Variants in CKAP5 observed in about 807,000 individuals in gnomAD.
CKAP5 encodes cytoskeleton-associated protein 5.
Under a neutral mutation model 232.8 loss-of-function variants are expected in CKAP5, and 27 were observed. The observed-to-expected ratio is 0.12, with a 90% confidence interval of 0.09 to 0.16. The LOEUF (loss-of-function observed/expected upper bound fraction) is 0.16. CKAP5 is among the 10% of genes least tolerant of loss of function. The probability of loss-of-function intolerance (pLI) is 1.00; values close to 1 mark genes in which losing one functional copy is unlikely to be tolerated. For missense variants in CKAP5, 1,838 were observed against 2,424.7 expected, an observed-to-expected ratio of 0.76 and a Z score of 5.08; for synonymous variants, 785 against 841.1, an observed-to-expected ratio of 0.93 and a Z score of 1.16.
intron 1 of CKAP5, among the ~76,000 whole-genome samples, chr11:46,829,835 TG>T (rs778442274): frequency 0.014 from 1,182 of 83,214 alleles, 5 homozygotes; most frequent in Non-Finnish European, 0.024. Context: ...ATTCCTTTTT[TG>T]TATGTGTGTG....
chr11:46,786,221 T>C (rs933838589), intron 16 of CKAP5, among the ~76,000 whole-genome samples: 1 of 152,214 alleles, frequency 6.6e-6, no homozygotes, highest in Admixed American at 6.5e-5. Context: ...TGCTGAATTT[T>C]AGTAAGGACA....
intron 36 of CKAP5, among the ~76,000 whole-genome samples, chr11:46,753,761 A>AT (rs537879375): frequency 0.019 from 2,651 of 139,042 alleles, 26 homozygotes; most frequent in Middle Eastern, 0.031. Context: ...TAATTTTTGT[A>AT]TTTTTTTTTT....
chr11:46,766,842 G>C (rs1249175753), intron 27 of CKAP5, among the ~76,000 whole-genome samples: 1 of 152,150 alleles, frequency 6.6e-6, no homozygotes, highest in Non-Finnish European at 1.5e-5. Context: ...CATGAATATT[G>C]AAAGAATTGC....
intron 5 of CKAP5, among the ~76,000 whole-genome samples, chr11:46,810,244 T>A (rs904324247): frequency 6.6e-6 from 1 of 152,170 alleles, no homozygotes; most frequent in Admixed American, 6.5e-5. Flanking sequence ...AATGCTGGGA[T>A]GACAGGTATA....
intron 28 of CKAP5, 68 bp downstream of exon 28, chr11:46,765,063 G>C: frequency 1.4e-6 from 2 of 1,444,092 alleles, no homozygotes; most frequent in Non-Finnish European, 1.9e-6. Flanking sequence ...CATGAATTCA[G>C]ACAGCAAAAC....
At chr11:46,767,776 T>G in intron 26 of CKAP5, 113 bp from the exon 27 acceptor site, 1 of 620,624 alleles carries the variant, frequency 1.6e-6, no homozygotes, top group Non-Finnish European at 2.6e-6. Flanking sequence ...ATGTATCAAT[T>G]TATAAGATGT....
At chr11:46,768,591 ATT>A (rs917613134) in intron 26 of CKAP5, among the ~76,000 whole-genome samples, 3 of 148,032 alleles carry the variant, frequency 2.0e-5, no homozygotes, top group African/African-American at 7.4e-5. Flanking sequence ...CACAGGTAAA[ATT>A]TTTTTTTTTT....
In CKAP5 at chr11:46,751,461, A is replaced by G. The variant is rs768671080; in HGVS notation, c.5207T>C (p.Ile1736Thr). 1.9e-6 allele frequency: 3 copies of G among 1,614,104 alleles called. No homozygotes were observed. The highest frequency in any genetic ancestry group is 2.5e-6 in the Non-Finnish European group (3 of 1,179,986). The stretch of plus-strand genomic sequence containing the variant: ...GGGGAAGACCTTCATGAAAATGTGG[A>G]TATCCAGAAGAATTCTGTCTAGGTT... ...SINLDRILLD[I>T]HIFMKVFPKE... The change falls in exon 39 of 44, where the codon ATC (isoleucine) becomes ACC (threonine). Residue 1736 changes from isoleucine (I) to threonine (T), a missense_variant. This residue lies in a region of CKAP5 where 579 missense variants were observed against 843.2 expected (regional missense o/e 0.69). Transcript: ENST00000529230.
At chr11:46,808,406 T>G (rs1939204258) in intron 7 of CKAP5, among the ~76,000 whole-genome samples, 1 of 152,066 alleles carries the variant, frequency 6.6e-6, no homozygotes, top group Non-Finnish European at 1.5e-5. Context: ...CCGGGCGTGG[T>G]GGCAGGCACC....
chr11:46,787,284 T>A (rs2065404310), intron 16 of CKAP5, among the ~76,000 whole-genome samples: 1 of 152,204 alleles, frequency 6.6e-6, no homozygotes, highest in South Asian at 2.1e-4. Flanking sequence ...ACACAGTGTA[T>A]GAGGGAGCTA....
chr11:46,839,126 C>T (rs1011978267), intron 1 of CKAP5, among the ~76,000 whole-genome samples: 3 of 152,008 alleles, frequency 2.0e-5, no homozygotes, highest in African/African-American at 7.2e-5. Context: ...ACAATATATG[C>T]TATGAAGTAA....
At position 46,809,878 on chromosome 11, in the gene CKAP5, C is replaced by T. The variant is rs1939237193; in HGVS notation, c.631-4G>A. 1.2e-6 allele frequency: 2 copies of T among 1,604,180 alleles called. No homozygotes were observed. The highest frequency in any genetic ancestry group is 2.2e-5 in the East Asian group (1 of 44,788). ...ATTCTTCTTCTAGTTCTTTCAACTG[C>T]AAATGTCATATAATATTTAAATAAT... On this transcript the variant is annotated splice_region_variant and splice_polypyrimidine_tract_variant and intron_variant, in intron 5 of 43. Transcript: ENST00000529230.
chr11:46,760,609 T>A lies in CKAP5; in HGVS notation c.4394+3A>T. The A allele has an allele frequency of 6.2e-7, 1 of 1,614,062 alleles. No individual in the cohort carries two copies. Among genetic ancestry groups the A allele is most frequent in the Non-Finnish European group, 8.5e-7 (1 of 1,179,928 alleles). On this transcript the variant is annotated splice_donor_region_variant and intron_variant, in intron 33 of 43. Transcript: ENST00000529230. ...TCTCAGACAAGTATCTCTATCTACA[T>A]ACTTGAGTTTGGAAGACATGTCCTC... is the stretch of plus-strand genomic sequence containing the variant.
rs372600006 is a variant in CKAP5 at position 46,833,479 on chromosome 11, T to C, written c.-37-12211A>G. ...CATTACTATATTATTGTTATTATTA[T>C]TAATTTTTTTTTTGTTTTGAGACGG... is the stretch of plus-strand genomic sequence containing the variant. On this transcript the variant is annotated intron_variant, in intron 1 of 43. Transcript: ENST00000529230. Among the ~76,000 whole-genome samples, 62 of 150,700 alleles carry C rather than the reference T, an allele frequency of 4.1e-4. No homozygotes were observed. The East Asian group carries it at 4.9e-3, about 12-fold the overall frequency.
intron 24 of CKAP5, among the ~76,000 whole-genome samples, chr11:46,774,566 T>C (rs1300409158): frequency 6.6e-6 from 1 of 152,188 alleles, no homozygotes; most frequent in African/African-American, 2.4e-5. Context: ...GCTGGAGGCA[T>C]CACGCTACCT....
chr11:46,753,223 G>A, intron 37 of CKAP5, 87 bp downstream of exon 37: 1 of 1,051,172 alleles, frequency 9.5e-7, no homozygotes, highest in Non-Finnish European at 1.4e-6. Context: ...AGGTTGCCTA[G>A]GAAGTTGACT....
chr11:46,801,394 GT>G, intron 8 of CKAP5, 90 bp from the exon 9 acceptor site: 1 of 975,762 alleles, frequency 1.0e-6, no homozygotes, highest in Non-Finnish European at 1.6e-6. Flanking sequence ...CTGAGGCCGG[GT>G]GCAGCGGCTC....
At chr11:46,765,041 A>G in intron 28 of CKAP5, 90 bp downstream of exon 28, 1 of 1,226,880 alleles carries the variant, frequency 8.2e-7, no homozygotes, top group Non-Finnish European at 1.1e-6. Flanking sequence ...ATTCCTAGAT[A>G]TTAAACAATA....
At chr11:46,755,308 G>A (rs972088835) in intron 35 of CKAP5, among the ~76,000 whole-genome samples, 1 of 152,100 alleles carries the variant, frequency 6.6e-6, no homozygotes, top group Admixed American at 6.5e-5. Context: ...CCACCTTCCG[G>A]TTTCAAGTGA....
Sources: allele counts gnomAD v4.1 joint callset (sites outside exome capture counted in the v4.1 genomes callset), GRCh38; gene constraint gnomAD v4.1.1; regional missense constraint gnomAD v4.1.1; transcripts MANE v1.5; gene names NCBI Gene and HGNC (gene_info 2026-07-23, HGNC 2026-07-21).